MYH4: variants seen among roughly 807,000 people sequenced by gnomAD.
The protein encoded by MYH4 is myosin-4.
A neutral mutation model predicts 229.9 loss-of-function variants in MYH4; 200 were observed. The ratio of observed to expected loss-of-function variants is 0.87; its 90% CI spans 0.78 to 0.98. The LOEUF is 0.98. Ranked by LOEUF, MYH4 falls within the 50% of genes least tolerant of loss-of-function variation. MYH4 has a pLI of 0.00. For synonymous variants in MYH4, 761 were observed against 834.6 expected (o/e 0.91, Z 1.52); for missense variants, 2,148 against 2,332.6 (o/e 0.92, Z 1.63).
chr17:10,443,569 AT>A lies in MYH4; in HGVS notation c.5668-43del, dbSNP rs2072479892. ...ATTTGAGATAACAAGAAAATTGGAC[AT>A]TTCCTGATTGTTATTGCTTTTGTTA... On this transcript the variant is annotated intron_variant, in intron 39 of 39. Coordinates refer to ENST00000255381, the MANE Select transcript of MYH4 (RefSeq NM_017533.2). This position sits in a 1 kb window ranked among gnomAD's most constrained non-coding sequence, Gnocchi z 4.6. 1 of 1,574,956 alleles carries A rather than the reference AT, an allele frequency of 6.3e-7. No individual in the cohort carries two copies.
chr17:10,459,538 A>C, intron 14 of MYH4, 117 bp from the exon 15 acceptor site: 1 of 1,526,366 alleles, frequency 6.6e-7, no homozygotes, highest in Admixed American at 1.9e-5. Flanking sequence ...ATAAACCTTC[A>C]GATTGTTTTC....
In MYH4 at chr17:10,455,223, A is replaced by C. The variant is rs1403611344; in HGVS notation, c.2247T>G (p.Leu749=). Residue 749 remains leucine, a synonymous_variant, in exon 20 of 40, where the codon CTT becomes CTG. Coordinates refer to ENST00000255381, the MANE Select transcript of MYH4 (RefSeq NM_017533.2). ...TGTGGTCAATTTCAATAGACCCTAG[A>C]AGTTTCTCAGAAGCCTTCTTGCTGT... The part of the protein sequence containing the change: ...FIDSKKASEK[L]LGSIEIDHTQ... 6.8e-6 allele frequency: 11 copies of C among 1,614,018 alleles called. No homozygotes were observed. The highest frequency in any genetic ancestry group is 1.6e-4 in the Middle Eastern group (1 of 6,084).
At position 10,465,499 on chromosome 17, in the gene MYH4, C is replaced by T. The variant is rs2072752674; in HGVS notation, c.448G>A (p.Glu150Lys). 2 of 1,614,108 alleles carry T rather than the reference C, an allele frequency of 1.2e-6. No homozygotes were observed. The highest frequency in any genetic ancestry group is 2.2e-5 in the East Asian group (1 of 44,848). ...ATGGAGAAGATATGGGGTGGGGCCT[C>T]CTGGCGCTTTTTGCCTCGGTAGGCT... ...VTAYRGKKRQ[E>K]APPHIFSISD... Residue 150 changes from glutamate (E) to lysine (K), a missense_variant, in exon 5 of 40, where the codon GAG (glutamate) becomes AAG (lysine). Glu to Lys is a moderately conservative substitution (Grantham distance 56). Coordinates refer to ENST00000255381, the MANE Select transcript of MYH4 (RefSeq NM_017533.2).
At position 10,452,423 on chromosome 17, in the gene MYH4, T is replaced by A; in HGVS notation, c.3341A>T (p.Glu1114Val). The change falls in exon 26 of 40, where the codon GAA becomes GTA. Residue 1114 changes from glutamate to valine, a missense_variant. Coordinates refer to ENST00000255381, the MANE Select transcript of MYH4 (RefSeq NM_017533.2). ...GTGGAGGTTATAACTTACCTGTAAT[T>A]CTTTGATCTTCTTTTGTAGCTGTAT... ...LAIQLQKKIKELQARIEELEE... is the reference protein window; with the variant it reads ...LAIQLQKKIKVLQARIEELEE... 1 of 1,614,176 alleles carries A rather than the reference T, an allele frequency of 6.2e-7. No individual in the cohort carries two copies. The highest frequency in any genetic ancestry group is 8.5e-7 in the Non-Finnish European group (1 of 1,179,998).
chr17:10,465,764 G>GTT (rs2072757292), intron 4 of MYH4, among the ~76,000 whole-genome samples, 166 bp from the exon 5 acceptor site: 5 of 129,842 alleles, frequency 3.9e-5, no homozygotes, highest in African/African-American at 8.3e-5. Flanking sequence ...AAATGCTTCA[G>GTT]TTTTTCTTTT....
In MYH4 at chr17:10,465,775, T is replaced by C. The variant is rs550419700; in HGVS notation, c.349-177A>G. Among the ~76,000 whole-genome samples the C allele has an allele frequency of 6.9e-4, 96 of 139,124 alleles. 1 individual carries two copies. The highest frequency in any genetic ancestry group is 7.0e-3 in the Middle Eastern group (2 of 284). The allele number at this position is 139,124 out of a possible 152,430, so 91.3% of individuals were successfully genotyped here. On this transcript the variant is annotated intron_variant, in intron 4 of 39. Coordinates refer to ENST00000255381, the MANE Select transcript of MYH4 (RefSeq NM_017533.2). ...CACAAAATGCTTCAGTTTTTCTTTTTTTTTTTTTTTTTTTTTTGAGACGGA... is the reference window on the plus strand; with the variant it reads ...CACAAAATGCTTCAGTTTTTCTTTTCTTTTTTTTTTTTTTTTTGAGACGGA...
In MYH4 at chr17:10,447,199, C is replaced by A. The variant is rs2072521717; in HGVS notation, c.4983G>T (p.Leu1661Phe). The A allele has an allele frequency of 4.3e-6, 7 of 1,614,086 alleles. No homozygotes were observed. In the East Asian group the frequency reaches 1.3e-4, roughly 31 times the overall value. Reference protein sequence around the residue: ...QGILKDTQLHLDDAIRGQDDL... With the variant: ...QGILKDTQLHFDDAIRGQDDL... ...CATCTTGGCCTCTGATGGCATCATC[C>A]AAATGTAGCTGAGTGTCCTACACAG... Residue 1661 changes from leucine to phenylalanine, a missense_variant, in exon 35 of 40, where the codon TTG becomes TTT. By Grantham distance (22) the Leu-to-Phe change is conservative. Transcript: ENST00000255381.
chr17:10,458,433 A>G (rs1346470727), intron 15 of MYH4, among the ~76,000 whole-genome samples: 4 of 152,218 alleles, frequency 2.6e-5, no homozygotes, highest in Non-Finnish European at 5.9e-5. Flanking sequence ...GAGATATTAT[A>G]TCACCAGATT....
rs1306637400 is a variant in MYH4 at position 10,465,452 on chromosome 17, G to A, written c.495C>T (p.Phe165=). ...GTAATTCTCACTCACCAGTTAGCATGAACTGATAGGCATTGTCAGAGATGG... is the reference window on the plus strand; with the variant it reads ...GTAATTCTCACTCACCAGTTAGCATAAACTGATAGGCATTGTCAGAGATGG... The part of the protein sequence containing the change: ...IFSISDNAYQ[F]MLTDRENQSI... Residue 165 remains phenylalanine, a synonymous_variant, in exon 5 of 40, where the codon TTC becomes TTT. Transcript: ENST00000255381. 1.2e-6 allele frequency: 2 copies of A among 1,613,718 alleles called. No homozygotes were observed. The highest frequency in any genetic ancestry group is 1.7e-6 in the Non-Finnish European group (2 of 1,179,990).
At chr17:10,448,232 C>T (rs990988437) in intron 33 of MYH4, 106 bp from the exon 34 acceptor site, 20 of 1,305,946 alleles carry the variant, frequency 1.5e-5, no homozygotes, top group Admixed American at 2.6e-5. Context: ...AACTATCATA[C>T]GTCTTAATGT....
At chr17:10,465,933 C>T (rs2142233556) in intron 4 of MYH4, among the ~76,000 whole-genome samples, 1 of 151,304 alleles carries the variant, frequency 6.6e-6, no homozygotes, top group Non-Finnish European at 1.5e-5. Flanking sequence ...CGCCACTACG[C>T]CCGGCTAATT....
rs182275353 is a variant in MYH4, at chr17:10,462,408, A to G, written c.1008+457T>C. Among the ~76,000 whole-genome samples, 498 of 152,274 alleles carry G rather than the reference A, an allele frequency of 3.3e-3. 3 individuals carry two copies. Among genetic ancestry groups the G allele is most frequent in the Non-Finnish European group, 5.1e-3 (350 of 68,010 alleles). On this transcript the variant is annotated intron_variant, in intron 11 of 39. Coordinates refer to ENST00000255381, the MANE Select transcript of MYH4 (RefSeq NM_017533.2). The stretch of plus-strand genomic sequence containing the variant: ...TTCTAATGCTGCTTAGGGAGTAGAG[A>G]GGGATATATCATTGGCCCACAGAGG...
In MYH4 at chr17:10,448,443, G is replaced by A. The variant is rs750911851; in HGVS notation, c.4609C>T (p.Leu1537Phe). The stretch of plus-strand genomic sequence containing the variant: ...TGTAGTTCACTCTTCTCATGATCAA[G>A]TTGTTTCTTTACTTTCTCCAGTTCA... ...IHELEKVKKQLDHEKSELQTS... is the reference protein window; with the variant it reads ...IHELEKVKKQFDHEKSELQTS... The change falls in exon 33 of 40, where the codon CTT becomes TTT. Residue 1537 changes from leucine (L) to phenylalanine (F), a missense_variant. By Grantham distance (22) the Leu-to-Phe change is conservative. Transcript: ENST00000255381. The A allele has an allele frequency of 1.9e-6, 3 of 1,613,940 alleles. No homozygotes were observed. The highest frequency in any genetic ancestry group is 2.7e-5 in the African/African-American group (2 of 75,016).
Position 10,451,864 on chromosome 17 carries a change from T to G in MYH4, c.3738+77A>C, listed in dbSNP as rs541182105. On this transcript the variant is annotated intron_variant, in intron 27 of 39. Transcript: ENST00000255381. ...CCATCTAATGTTTGTGTAATTTGGC[T>G]AAAAATAGTCATATATAAACTTGGT... 24 of 1,518,424 alleles carry G rather than the reference T, an allele frequency of 1.6e-5. 1 individual carries two copies. The African/African-American group carries it at 2.9e-4, about 18-fold the overall frequency. The allele number at this position is 1,518,424 out of a possible 1,614,324, so 94.1% of individuals were successfully genotyped here.
rs761971069 is a variant in MYH4 at position 10,464,701 on chromosome 17, T to C, written c.513A>G (p.Glu171=). The part of the protein sequence containing the change: ...NAYQFMLTDR[E]NQSILITGES... Reference sequence around the variant, plus strand: ...CATACGTAATCAAGATTGACTGGTTTTCACGATCTGTAAAAGAGAAGCCAA... The same window carrying C: ...CATACGTAATCAAGATTGACTGGTTCTCACGATCTGTAAAAGAGAAGCCAA... The change falls in exon 6 of 40, where the codon GAA becomes GAG. Residue 171 remains glutamate, a synonymous_variant. Transcript: ENST00000255381. The C allele has an allele frequency of 6.2e-7, 1 of 1,613,670 alleles. No individual in the cohort carries two copies. Among genetic ancestry groups the C allele is most frequent in the Non-Finnish European group, 8.5e-7 (1 of 1,179,616 alleles).
chr17:10,447,719 T>A, intron 34 of MYH4, 99 bp downstream of exon 34: 2 of 1,168,266 alleles, frequency 1.7e-6, no homozygotes, highest in South Asian at 3.2e-5. Flanking sequence ...CCATGTTGCT[T>A]AGGTGATTTA....
Position 10,450,892 on chromosome 17 carries a change from TCACCTGTGGAAGACAAAA to T in MYH4, c.3866-15_3868del, listed in dbSNP as rs2142214800. ...TTTTTCATCTAGCTGTCGTGAAAAC[TCACCTGTGGAAGACAAAA>T]CATCAATGATTTAGTTCTGTTGTCT... On this transcript the variant is annotated splice_acceptor_variant and splice_polypyrimidine_tract_variant and coding_sequence_variant and intron_variant, in exon 29 of 40. Coordinates refer to ENST00000255381, the MANE Select transcript of MYH4 (RefSeq NM_017533.2). LOFTEE classifies it high-confidence loss of function. The T allele has an allele frequency of 1.2e-6, 2 of 1,611,196 alleles. No individual in the cohort carries two copies. Among genetic ancestry groups the T allele is most frequent in the East Asian group, 4.5e-5 (2 of 44,864 alleles).
chr17:10,459,332 T>C lies in MYH4; in HGVS notation c.1506A>G (p.Glu502=), dbSNP rs755977803. 5 of 1,614,132 alleles carry C rather than the reference T, an allele frequency of 3.1e-6. No homozygotes were observed. In the South Asian group the frequency reaches 4.4e-5, roughly 14 times the overall value. Residue 502 remains glutamate, a synonymous_variant, in exon 15 of 40, where the codon GAA becomes GAG. Transcript: ENST00000255381. ...ACTCGATGCCTTCCTTCTTGTACTC[T>C]TCCTGCTCCAGCACGAACATGTGGT... ...FNHHMFVLEQ[E]EYKKEGIEWE...
chr17:10,468,234 C>T (rs902418444), intron 2 of MYH4, among the ~76,000 whole-genome samples: 1 of 152,116 alleles, frequency 6.6e-6, no homozygotes, highest in Admixed American at 6.5e-5. Context: ...CAACACACTA[C>T]CACGTGGAGG....
Sources: gnomAD v4.1 joint callset for allele counts (sites outside exome capture counted in the v4.1 genomes callset) on GRCh38, gnomAD v4.1.1 for gene constraint, Gnocchi (gnomAD v3.1) non-coding constraint, MANE v1.5 for transcripts, NCBI Gene and HGNC (gene_info 2026-07-23, HGNC 2026-07-21) for gene names.